Variants in GALNTL6 observed in about 807,000 individuals in gnomAD.
GALNTL6 encodes polypeptide N-acetylgalactosaminyltransferase-like 6.
In GALNTL6, 46 loss-of-function variants were observed where a neutral mutation model predicts 73.7. The ratio of observed to expected loss-of-function variants is 0.62; its 90% CI spans 0.49 to 0.80. GALNTL6 has a LOEUF of 0.80. Ranked by LOEUF, GALNTL6 falls within the 30% of genes least tolerant of loss-of-function variation. GALNTL6 has a pLI of 0.00. For missense variants in GALNTL6, 604 were observed against 755.0 expected (o/e 0.80, Z 2.34); for synonymous variants, 259 against 263.7 (o/e 0.98, Z 0.17).
intron 5 of GALNTL6, among the ~76,000 whole-genome samples, chr4:172,679,491 A>T (rs1006262200): frequency 6.6e-6 from 1 of 151,850 alleles, no homozygotes; most frequent in African/African-American, 2.4e-5. Context: ...ACAGCTTGCC[A>T]ATTTCTGGTC....
intron 4 of GALNTL6, among the ~76,000 whole-genome samples, chr4:172,317,541 A>G (rs999105829): frequency 3.3e-5 from 5 of 152,170 alleles, no homozygotes; most frequent in African/African-American, 1.2e-4. Context: ...TTCTAATTTC[A>G]CAATTTTAAT....
chr4:172,954,741 C>T (rs967181002), intron 10 of GALNTL6, among the ~76,000 whole-genome samples: 1 of 152,124 alleles, frequency 6.6e-6, no homozygotes, highest in Non-Finnish European at 1.5e-5. Context: ...GTGCTGGAAT[C>T]GCAAGCATGA....
At chr4:171,921,493 G>C (rs141097395) in intron 2 of GALNTL6, among the ~76,000 whole-genome samples, 5 of 152,056 alleles carry the variant, frequency 3.3e-5, no homozygotes, top group Admixed American at 3.3e-4. Flanking sequence ...AGGTATACTT[G>C]GCTTATAAAG....
At chr4:172,425,671 A>G (rs1351244759) in intron 5 of GALNTL6, among the ~76,000 whole-genome samples, 5 of 152,100 alleles carry the variant, frequency 3.3e-5, no homozygotes, top group Non-Finnish European at 7.4e-5. Flanking sequence ...TTATAGAGAA[A>G]TGAAAATTGG....
At chr4:172,519,117 C>T (rs886458681) in intron 5 of GALNTL6, among the ~76,000 whole-genome samples, 3 of 150,230 alleles carry the variant, frequency 2.0e-5, no homozygotes, top group Non-Finnish European at 4.5e-5. Flanking sequence ...CACACACATA[C>T]ACCCACACAT....
chr4:172,143,292 TC>T (rs1157858202), intron 2 of GALNTL6, among the ~76,000 whole-genome samples: 2 of 152,060 alleles, frequency 1.3e-5, no homozygotes, highest in African/African-American at 4.8e-5. Flanking sequence ...ATATAGGAAA[TC>T]TATCTTTTGA....
At chr4:172,846,284 T>G (rs755087718) in intron 7 of GALNTL6, among the ~76,000 whole-genome samples, 2 of 152,160 alleles carry the variant, frequency 1.3e-5, no homozygotes, top group Non-Finnish European at 2.9e-5. Flanking sequence ...AGGAGGAACA[T>G]GAACCTTAGA....
chr4:172,917,210 A>G (rs550356445), intron 8 of GALNTL6, among the ~76,000 whole-genome samples: 1 of 152,358 alleles, frequency 6.6e-6, no homozygotes, highest in Non-Finnish European at 1.5e-5. Flanking sequence ...GGAAGCTGAA[A>G]CTTGATCCTT....
intron 5 of GALNTL6, among the ~76,000 whole-genome samples, chr4:172,601,148 A>G (rs1291836911): frequency 6.6e-6 from 1 of 152,234 alleles, no homozygotes; most frequent in African/African-American, 2.4e-5. Flanking sequence ...TAGTGTTGAA[A>G]TATTAAATAT....
intron 2 of GALNTL6, among the ~76,000 whole-genome samples, chr4:171,820,126 G>A (rs1734643370): frequency 6.6e-6 from 1 of 152,034 alleles, no homozygotes; most frequent in Admixed American, 6.5e-5. Flanking sequence ...TATGTACTTA[G>A]ACACATAAAA....
Position 172,577,644 on chromosome 4 carries a change from C to G in GALNTL6, c.553+228955C>G, listed in dbSNP as rs563549917. On this transcript the variant is annotated intron_variant, in intron 5 of 12. Transcript: ENST00000506823. Reference sequence around the variant, plus strand: ...TCCCGGTGGCTGTTTACACAGGCCCCCAAGGATCCTGCATTAGATGGCACC... The same window carrying G: ...TCCCGGTGGCTGTTTACACAGGCCCGCAAGGATCCTGCATTAGATGGCACC... Among the ~76,000 whole-genome samples, 83 of 152,144 alleles carry G rather than the reference C, an allele frequency of 5.5e-4. 1 individual carries two copies. The highest frequency in any genetic ancestry group is 2.0e-3 in the African/African-American group (81 of 41,512).
chr4:172,726,980 C>T (rs932183085), intron 5 of GALNTL6, among the ~76,000 whole-genome samples: 4 of 152,132 alleles, frequency 2.6e-5, no homozygotes, highest in Non-Finnish European at 5.9e-5. Flanking sequence ...ATATAAGTGA[C>T]TCTCAAAGGC....
rs907184063 is a variant in GALNTL6, at chr4:172,809,088, C to T, written c.554-273C>T. Among the ~76,000 whole-genome samples, 2 of 152,162 alleles carry T rather than the reference C, an allele frequency of 1.3e-5. No homozygotes were observed. Among genetic ancestry groups the T allele is most frequent in the African/African-American group, 4.8e-5 (2 of 41,440 alleles). On this transcript the variant is annotated intron_variant, in intron 5 of 12. Transcript: ENST00000506823. The surrounding 1 kb of genome is among the most constrained non-coding windows in gnomAD (Gnocchi z 4.4). ...CTTTGGAGTGTTGGCTAGGATTACA[C>T]GCTGCAGCTGTCAGCCAGCAGTAAC... is the stretch of plus-strand genomic sequence containing the variant.
At chr4:172,323,079 A>G (rs911200567) in intron 4 of GALNTL6, among the ~76,000 whole-genome samples, 2 of 152,190 alleles carry the variant, frequency 1.3e-5, no homozygotes, top group Non-Finnish European at 2.9e-5. Context: ...CAGGAACACA[A>G]CAAATTATTT....
At chr4:172,173,089 TTTGTTCTCTGTAAG>T (rs1384306666) in intron 2 of GALNTL6, among the ~76,000 whole-genome samples, 2 of 152,164 alleles carry the variant, frequency 1.3e-5, no homozygotes, top group African/African-American at 4.8e-5. Context: ...TTTGATGTCA[TTTGTTCTCTGTAAG>T]ACACTATTCT....
intron 2 of GALNTL6, among the ~76,000 whole-genome samples, chr4:172,015,262 A>T (rs1240793752): frequency 6.6e-6 from 1 of 151,834 alleles, no homozygotes; most frequent in African/African-American, 2.4e-5. Flanking sequence ...TGTATTTAGG[A>T]TTGTGCCATT....
chr4:172,550,138 A>G (rs989444194), intron 5 of GALNTL6, among the ~76,000 whole-genome samples: 1 of 152,078 alleles, frequency 6.6e-6, no homozygotes, highest in African/African-American at 2.4e-5. Context: ...ATACATATAT[A>G]GTTGTACAAT....
chr4:172,582,704 T>C (rs536829545), intron 5 of GALNTL6, among the ~76,000 whole-genome samples: 2 of 151,562 alleles, frequency 1.3e-5, no homozygotes, highest in African/African-American at 2.4e-5. Context: ...TGCAAAACAC[T>C]CTCAGAGAAT....
intron 2 of GALNTL6, among the ~76,000 whole-genome samples, chr4:172,167,936 G>A (rs919288183): frequency 5.4e-5 from 8 of 148,338 alleles, no homozygotes; most frequent in East Asian, 2.0e-4. Context: ...TCCGCAGTCC[G>A]GCCTGGGCAA....
Sources: gnomAD v4.1 joint callset for allele counts (sites outside exome capture counted in the v4.1 genomes callset) on GRCh38, gnomAD v4.1.1 for gene constraint, Gnocchi (gnomAD v3.1) non-coding constraint, MANE v1.5 for transcripts, NCBI Gene and HGNC (gene_info 2026-07-23, HGNC 2026-07-21) for gene names.